NT5C3A: variants seen among roughly 807,000 people sequenced by gnomAD.
The protein encoded by NT5C3A is 5'-nucleotidase, cytosolic IIIA.
Under a neutral mutation model 40.0 loss-of-function variants are expected in NT5C3A, and 23 were observed. The observed-to-expected ratio is 0.58, with a 90% CI of 0.41 to 0.81. The LOEUF is 0.81. Among genes scored for constraint, NT5C3A ranks in the 40% least tolerant of loss-of-function variants. The pLI is 0.00. For synonymous variants in NT5C3A, 130 were observed against 141.4 expected (o/e 0.92, Z 0.57); for missense variants, 328 against 403.0 (o/e 0.81, Z 1.59).
At chr7:33,057,588 A>C (rs1332242101) in intron 1 of NT5C3A, among the ~76,000 whole-genome samples, 1 of 152,206 alleles carries the variant, frequency 6.6e-6, no homozygotes, top group Non-Finnish European at 1.5e-5. Flanking sequence ...TAAAGTTTTA[A>C]AAAAACCACA....
chr7:33,029,640 C>A (rs1480673569), intron 1 of NT5C3A: 1 of 1,289,592 alleles, frequency 7.8e-7, no homozygotes, highest in African/African-American at 1.5e-5. Flanking sequence ...TCAGGCAAAT[C>A]ACAGCTTCAA....
Position 33,014,674 on chromosome 7 carries a change from C to T in NT5C3A, c.*56G>A, listed in dbSNP as rs572118018. The T allele has an allele frequency of 6.2e-4, 986 of 1,602,200 alleles. 9 individuals are homozygous for T. The highest frequency in any genetic ancestry group is 5.0e-3 in the Middle Eastern group (22 of 4,382). ...TAAATAAGTCTCTCAGCAAGATGAACGGATGAACAGTTCAATTGCACCCAC... is the reference window on the plus strand; with the variant it reads ...TAAATAAGTCTCTCAGCAAGATGAATGGATGAACAGTTCAATTGCACCCAC... On this transcript the variant is annotated 3_prime_UTR_variant, in exon 9 of 9. Coordinates refer to ENST00000610140, the MANE Select transcript of NT5C3A (RefSeq NM_001002010.5).
chr7:33,048,572 A>G (rs1444819589), intron 1 of NT5C3A, among the ~76,000 whole-genome samples: 1 of 152,210 alleles, frequency 6.6e-6, no homozygotes, highest in African/African-American at 2.4e-5. Flanking sequence ...AACATATATG[A>G]AAGCTTTATT....
chr7:33,060,420 C>G (rs1468302353), intron 1 of NT5C3A, among the ~76,000 whole-genome samples: 4 of 149,412 alleles, frequency 2.7e-5, no homozygotes, highest in African/African-American at 9.9e-5. Flanking sequence ...CCACCTCACC[C>G]TCCCAAAGTG....
chr7:33,017,626 G>C (rs1785411549), intron 6 of NT5C3A, 25 bp from the exon 7 acceptor site: 2 of 1,582,636 alleles, frequency 1.3e-6, no homozygotes, highest in Admixed American at 1.7e-5. Context: ...TAACAAACTG[G>C]TTATTAAAGA....
At chr7:33,031,478 C>T (rs1313870507) in intron 1 of NT5C3A, among the ~76,000 whole-genome samples, 1 of 151,798 alleles carries the variant, frequency 6.6e-6, no homozygotes, top group Non-Finnish European at 1.5e-5. Context: ...GTCCCAGATA[C>T]TCGGAGGCTA....
chr7:33,055,101 G>T (rs1297067482), intron 1 of NT5C3A, among the ~76,000 whole-genome samples: 2 of 152,180 alleles, frequency 1.3e-5, no homozygotes, highest in Admixed American at 6.5e-5. Context: ...AAGGCGGGCG[G>T]ATCACCTGAG....
intron 1 of NT5C3A, among the ~76,000 whole-genome samples, chr7:33,044,007 A>G (rs1212467008): frequency 1.3e-5 from 2 of 152,074 alleles, no homozygotes; most frequent in Non-Finnish European, 2.9e-5. Context: ...GACTTAATGT[A>G]CAAGAGTTGG....
intron 5 of NT5C3A, among the ~76,000 whole-genome samples, chr7:33,021,000 T>TA (rs1333069517): frequency 2.0e-5 from 3 of 151,632 alleles, no homozygotes; most frequent in East Asian, 1.9e-4. Flanking sequence ...TTCATATACT[T>TA]AAAAAAAAAT....
At chr7:33,033,788 T>C (rs78255791) in intron 1 of NT5C3A, among the ~76,000 whole-genome samples, 1 of 151,610 alleles carries the variant, frequency 6.6e-6, no homozygotes, top group Non-Finnish European at 1.5e-5. Context: ...CACAGAGAAG[T>C]GTGCATGTAA....
At chr7:33,052,130 G>C (rs79627094) in intron 1 of NT5C3A, among the ~76,000 whole-genome samples, 3,918 of 151,798 alleles carry the variant, frequency 0.026, 174 homozygotes, top group African/African-American at 0.089. Context: ...TATTTCTTTT[G>C]GGAGCACAAC....
chr7:33,032,379 G>A (rs1200598340), intron 1 of NT5C3A, among the ~76,000 whole-genome samples: 3 of 133,050 alleles, frequency 2.3e-5, no homozygotes, highest in South Asian at 2.3e-4. Flanking sequence ...CCAGGATTTC[G>A]CCACTGCACT....
At chr7:33,015,613 C>G in intron 8 of NT5C3A, 57 bp downstream of exon 8, 4 of 1,130,872 alleles carry the variant, frequency 3.5e-6, no homozygotes, top group African/African-American at 1.5e-5. Flanking sequence ...CAACAATTGC[C>G]TATCAAGTTT....
chr7:33,026,353 G>GGAAAAAA (rs1301185554), intron 2 of NT5C3A, among the ~76,000 whole-genome samples: 11 of 94,178 alleles, frequency 1.2e-4, no homozygotes, highest in African/African-American at 4.1e-4. Flanking sequence ...CATCTCAAAA[G>GGAAAAAA]AAAAAAAAAA....
chr7:33,023,816 A>C, intron 3 of NT5C3A: 1 of 536,448 alleles, frequency 1.9e-6, no homozygotes, highest in East Asian at 3.2e-5. Context: ...GAAATATTTC[A>C]GGAGTCTCTG....
At chr7:33,037,903 T>G (rs1270104299) in intron 1 of NT5C3A, among the ~76,000 whole-genome samples, 3 of 152,170 alleles carry the variant, frequency 2.0e-5, no homozygotes, top group African/African-American at 7.2e-5. Context: ...GTTTGGGGAT[T>G]AGTAGTCTTT....
chr7:33,044,364 T>G (rs1787055698), intron 1 of NT5C3A, among the ~76,000 whole-genome samples: 1 of 147,344 alleles, frequency 6.8e-6, no homozygotes, highest in Non-Finnish European at 1.5e-5. Flanking sequence ...CTGAATGTTG[T>G]TTCTAATAGC....
At chr7:33,042,270 C>T (rs779596094) in intron 1 of NT5C3A, among the ~76,000 whole-genome samples, 1 of 151,918 alleles carries the variant, frequency 6.6e-6, no homozygotes, top group Non-Finnish European at 1.5e-5. Flanking sequence ...GCGGAGGTTG[C>T]AGTGAGCTGA....
At position 33,035,387 on chromosome 7, in the gene NT5C3A, G is replaced by A. The variant is rs180948204; in HGVS notation, c.139-8472C>T. Reference sequence around the variant, plus strand: ...TTTTTGTATTTTTAGTAGAGATGGGGTTTCACTGTATTAGCCAGGATGGTC... The same window carrying A: ...TTTTTGTATTTTTAGTAGAGATGGGATTTCACTGTATTAGCCAGGATGGTC... On this transcript the variant is annotated intron_variant, in intron 1 of 8. Coordinates refer to ENST00000610140, the MANE Select transcript of NT5C3A (RefSeq NM_001002010.5). Among the ~76,000 whole-genome samples, 262 of 151,920 alleles carry A rather than the reference G, an allele frequency of 1.7e-3. 1 individual carries two copies. The highest frequency in any genetic ancestry group is 5.5e-3 in the African/African-American group (227 of 41,424).
Sources: allele counts gnomAD v4.1 joint callset (sites outside exome capture counted in the v4.1 genomes callset), GRCh38; gene constraint gnomAD v4.1.1; transcripts MANE v1.5; gene names NCBI Gene and HGNC (gene_info 2026-07-23, HGNC 2026-07-21).